The following GIPC2 variants were observed in gnomAD, a reference collection of about 807,000 sequenced individuals.
GIPC2 encodes the protein GIPC PDZ domain containing family member 2, also known as PDZ domain-containing protein GIPC2.
GIPC2 carries 30 observed loss-of-function variants against 30.6 expected under a neutral mutation model. The ratio of observed to expected loss-of-function variants is 0.98; its 90% CI spans 0.73 to 1.33. The LOEUF (loss-of-function observed/expected upper bound fraction) is 1.33, where lower values mean the gene tolerates loss of function less well. Among genes scored for constraint, GIPC2 ranks in the 40% most tolerant of loss-of-function variants. The pLI is 0.00. For missense variants in GIPC2, 414 were observed against 390.3 expected (o/e 1.06, Z -0.51); for synonymous variants, 167 against 150.0 (o/e 1.11, Z -0.83).
In GIPC2 at chr1:78,119,511, T is replaced by A; in HGVS notation, c.714+12T>A. ...CCGTGGAAGAAATGGTATGTTATGTTCATTTACTTCCTGTTCTGCTTGGAA... is the reference window on the plus strand; with the variant it reads ...CCGTGGAAGAAATGGTATGTTATGTACATTTACTTCCTGTTCTGCTTGGAA... On this transcript the variant is annotated intron_variant, in intron 4 of 5. Transcript: ENST00000370759. 6.9e-7 allele frequency: 1 copy of A among 1,441,428 alleles called. No homozygotes were observed. The highest frequency in any genetic ancestry group is 9.8e-7 in the Non-Finnish European group (1 of 1,023,118). The allele number at this position is 1,441,428 out of a possible 1,614,324, so 89.3% of individuals were successfully genotyped here.
intron 1 of GIPC2, among the ~76,000 whole-genome samples, chr1:78,060,877 G>A (rs144335576): frequency 2.1e-4 from 32 of 150,558 alleles, no homozygotes; most frequent in African/African-American, 7.5e-4. Context: ...CTGTGTGGGG[G>A]GTATATCCCC....
intron 1 of GIPC2, among the ~76,000 whole-genome samples, chr1:78,067,115 T>C (rs1661526693): frequency 6.6e-6 from 1 of 152,180 alleles, no homozygotes; most frequent in African/African-American, 2.4e-5. Context: ...GTGTCACCTG[T>C]TGCTGTGGCT....
At position 78,135,842 on chromosome 1, in the gene GIPC2, T is replaced by G; in HGVS notation, c.*99T>G. On this transcript the variant is annotated 3_prime_UTR_variant, in exon 6 of 6. Transcript: ENST00000370759. ...TGTTTTTGGACACCTTTACTAACTC[T>G]GGTTTAATTTCATGTGTATGGAATA... The G allele has an allele frequency of 1.1e-6, 1 of 923,138 alleles. No individual in the cohort carries two copies. The highest frequency in any genetic ancestry group is 1.7e-6 in the Non-Finnish European group (1 of 599,906). The allele number at this position is 923,138 out of a possible 1,614,324, so 57.2% of individuals were successfully genotyped here. A position where few individuals can be genotyped will look rare whatever the true frequency, so the allele number is the denominator to read the frequency against.
chr1:78,128,999 T>C (rs535305042), intron 5 of GIPC2, among the ~76,000 whole-genome samples: 66 of 109,566 alleles, frequency 6.0e-4, no homozygotes, highest in African/African-American at 1.6e-3. Context: ...AGTGAGACCC[T>C]GTCTCTAAAA....
chr1:78,078,482 G>C (rs1661761006), intron 1 of GIPC2, among the ~76,000 whole-genome samples: 1 of 152,134 alleles, frequency 6.6e-6, no homozygotes, highest in South Asian at 2.1e-4. Context: ...AGATATAGCT[G>C]GCTCCATTCC....
At chr1:78,113,703 G>A (rs1453636361) in intron 3 of GIPC2, among the ~76,000 whole-genome samples, 1 of 152,130 alleles carries the variant, frequency 6.6e-6, no homozygotes, top group Non-Finnish European at 1.5e-5. Flanking sequence ...ATTTCTAATA[G>A]AGACAGGGTC....
chr1:78,099,790 G>C (rs1662206933), intron 3 of GIPC2, among the ~76,000 whole-genome samples: 1 of 151,986 alleles, frequency 6.6e-6, no homozygotes. Context: ...GGTATGAATG[G>C]TGCTTACTTA....
chr1:78,078,838 G>GAAA (rs570693127), intron 1 of GIPC2, among the ~76,000 whole-genome samples: 7 of 106,870 alleles, frequency 6.6e-5, no homozygotes, highest in Non-Finnish European at 1.0e-4. Context: ...AGATTCACCG[G>GAAA]AAAAAAAAAA....
At chr1:78,109,938 C>G (rs910294803) in intron 3 of GIPC2, among the ~76,000 whole-genome samples, 1 of 148,834 alleles carries the variant, frequency 6.7e-6, no homozygotes, top group Non-Finnish European at 1.5e-5. Flanking sequence ...GTCGCAAGGA[C>G]AAAACACCAA....
chr1:78,134,344 ATGTGTG>A (rs3057093), intron 5 of GIPC2, among the ~76,000 whole-genome samples: 3 of 148,678 alleles, frequency 2.0e-5, no homozygotes, highest in Non-Finnish European at 3.0e-5. Context: ...GTGTGTATGT[ATGTGTG>A]TGTGTGTGTG....
intron 1 of GIPC2, among the ~76,000 whole-genome samples, chr1:78,070,662 G>A (rs1282462782): frequency 1.3e-5 from 2 of 151,914 alleles, no homozygotes; most frequent in Admixed American, 6.6e-5. Flanking sequence ...GATTGCTTTG[G>A]GATTTTGATT....
chr1:78,126,969 C>T (rs1168640335), intron 5 of GIPC2, among the ~76,000 whole-genome samples: 1 of 152,136 alleles, frequency 6.6e-6, no homozygotes, highest in Non-Finnish European at 1.5e-5. Context: ...TGAAAAAGGC[C>T]TGACCCTTCC....
intron 2 of GIPC2, chr1:78,092,072 C>G: frequency 6.7e-7 from 1 of 1,492,614 alleles, no homozygotes; most frequent in East Asian, 2.3e-5. Context: ...GTCAGCTTCA[C>G]CCCCCGGCTT....
chr1:78,067,735 G>A (rs1193719168), intron 1 of GIPC2, among the ~76,000 whole-genome samples: 1 of 152,174 alleles, frequency 6.6e-6, no homozygotes, highest in East Asian at 1.9e-4. Context: ...ATAGGCGTGA[G>A]CCACTGCACC....
chr1:78,076,336 A>G (rs1661716562), intron 1 of GIPC2, among the ~76,000 whole-genome samples: 1 of 152,182 alleles, frequency 6.6e-6, no homozygotes, highest in Non-Finnish European at 1.5e-5. Context: ...TTCTCCTTCA[A>G]TTAGTCTGTC....
intron 3 of GIPC2, among the ~76,000 whole-genome samples, chr1:78,104,493 A>C (rs566249771): frequency 6.6e-6 from 1 of 152,194 alleles, no homozygotes; most frequent in African/African-American, 2.4e-5. Flanking sequence ...CAATGTGGCT[A>C]TATATGACTA....
In GIPC2 at chr1:78,084,314, G is replaced by A. The variant is rs185075467; in HGVS notation, c.426+3454G>A. On this transcript the variant is annotated intron_variant, in intron 2 of 5. Coordinates refer to ENST00000370759, the MANE Select transcript of GIPC2 (RefSeq NM_017655.6). ...GGATAACTTGAGGCCAGGAGTTCGAGACCAACCTGGCCAACATGGTGAAAC... is the reference window on the plus strand; with the variant it reads ...GGATAACTTGAGGCCAGGAGTTCGAAACCAACCTGGCCAACATGGTGAAAC... Among the ~76,000 whole-genome samples, 287 of 152,232 alleles carry A rather than the reference G, an allele frequency of 1.9e-3. 1 individual carries two copies. The highest frequency in any genetic ancestry group is 6.6e-3 in the African/African-American group (273 of 41,536).
At chr1:78,114,255 T>C (rs564561307) in intron 3 of GIPC2, among the ~76,000 whole-genome samples, 1 of 152,326 alleles carries the variant, frequency 6.6e-6, no homozygotes, top group East Asian at 1.9e-4. Flanking sequence ...CTGTCATAGC[T>C]CAGCCCCAAG....
chr1:78,094,953 G>A lies in GIPC2; in HGVS notation c.428G>A (p.Arg143Lys), dbSNP rs1015158138. 9 of 1,567,546 alleles carry A rather than the reference G, an allele frequency of 5.7e-6. No homozygotes were observed. The African/African-American group carries it at 1.2e-4, about 21-fold the overall frequency. Residue 143 changes from arginine to lysine, a missense_variant and splice_region_variant, in exon 3 of 6, where the codon AGA (arginine) becomes AAA (lysine). Physicochemically the swap from Arg to Lys is conservative, Grantham distance 26 (BLOSUM62 2). Coordinates refer to ENST00000370759, the MANE Select transcript of GIPC2 (RefSeq NM_017655.6). Reference protein sequence around the residue: ...DNGVGYAFIKRIKDGGVIDSV... With the variant: ...DNGVGYAFIKKIKDGGVIDSV... The stretch of plus-strand genomic sequence containing the variant: ...ATGTTATCATCAATTTCCTTTCAGA[G>A]AATTAAAGATGGTGGTGTTATTGAC...
Sources: gnomAD v4.1 joint callset for allele counts (sites outside exome capture counted in the v4.1 genomes callset) on GRCh38, gnomAD v4.1.1 for gene constraint, MANE v1.5 for transcripts, NCBI Gene and HGNC (gene_info 2026-07-23, HGNC 2026-07-21) for gene names.